The following COG5 variants were observed in gnomAD, a reference collection of about 807,000 sequenced individuals.
The protein encoded by COG5 is conserved oligomeric Golgi complex subunit 5.
A neutral mutation model predicts 110.4 loss-of-function variants in COG5; 86 were observed. The observed-to-expected ratio is 0.78, with a 90% CI of 0.65 to 0.93. The LOEUF is 0.93. Among genes scored for constraint, COG5 ranks in the 40% least tolerant of loss-of-function variants. The pLI, the probability that COG5 is intolerant of heterozygous loss-of-function variation, is 0.00. For missense variants in COG5, 1,077 were observed against 987.0 expected, an observed-to-expected ratio of 1.09 and a Z score of -1.22; for synonymous variants, 360 against 334.6, an observed-to-expected ratio of 1.08 and a Z score of -0.83.
At chr7:107,464,425 A>G (rs1249127862) in intron 6 of COG5, among the ~76,000 whole-genome samples, 1 of 151,716 alleles carries the variant, frequency 6.6e-6, no homozygotes, top group Non-Finnish European at 1.5e-5. Flanking sequence ...ATTCATTTCC[A>G]CCCCTCACTG....
intron 11 of COG5, among the ~76,000 whole-genome samples, chr7:107,306,557 G>A (rs181617755): frequency 6.9e-4 from 105 of 152,286 alleles, no homozygotes; most frequent in African/African-American, 2.5e-3. Context: ...GAAAATATCT[G>A]TCTATAGCCC....
intron 2 of COG5, among the ~76,000 whole-genome samples, chr7:107,555,577 C>A (rs1020794360): frequency 6.6e-6 from 1 of 152,198 alleles, no homozygotes; most frequent in African/African-American, 2.4e-5. Context: ...TCCATCTTAA[C>A]AAGACTAACT....
chr7:107,228,270 G>C (rs942526896), intron 19 of COG5, among the ~76,000 whole-genome samples: 2 of 141,006 alleles, frequency 1.4e-5, no homozygotes, highest in Non-Finnish European at 3.0e-5. Context: ...TCGCACCACT[G>C]CACTCTAACC....
intron 19 of COG5, among the ~76,000 whole-genome samples, chr7:107,220,302 C>T (rs926272171): frequency 6.6e-6 from 1 of 152,230 alleles, no homozygotes; most frequent in Admixed American, 6.5e-5. Context: ...GAAGGTCACA[C>T]AATTATCACC....
chr7:107,463,855 G>C (rs574481148), intron 6 of COG5, among the ~76,000 whole-genome samples: 1 of 152,270 alleles, frequency 6.6e-6, no homozygotes, highest in African/African-American at 2.4e-5. Flanking sequence ...TCCTGGAAGT[G>C]CTTGGGCCTA....
chr7:107,433,218 T>A (rs940522877), intron 6 of COG5, among the ~76,000 whole-genome samples: 1 of 152,202 alleles, frequency 6.6e-6, no homozygotes, highest in African/African-American at 2.4e-5. Flanking sequence ...AGATATCCCA[T>A]GATTTTGAAT....
intron 18 of COG5, among the ~76,000 whole-genome samples, chr7:107,231,807 T>C (rs2116413621): frequency 1.3e-5 from 2 of 151,536 alleles, no homozygotes; most frequent in African/African-American, 4.9e-5. Flanking sequence ...ATGATTAGAC[T>C]ATCTTGCCTT....
At chr7:107,221,097 A>T (rs1799891284) in intron 19 of COG5, among the ~76,000 whole-genome samples, 1 of 152,042 alleles carries the variant, frequency 6.6e-6, no homozygotes, top group South Asian at 2.1e-4. Context: ...AATTACAGGC[A>T]TGAGCCACTG....
At position 107,210,062 on chromosome 7, in the gene COG5, C is replaced by G. The variant is rs888316291; in HGVS notation, c.2375+464G>C. ...ATGTGAATGCATTCATGGGGCACTA[C>G]TGGAGGGCCATGGTATCCAAGTGGC... On this transcript the variant is annotated intron_variant, in intron 21 of 21. Coordinates refer to ENST00000297135, the MANE Select transcript of COG5 (RefSeq NM_006348.5). The G allele has an allele frequency of 4.8e-6, 5 of 1,034,878 alleles. No homozygotes were observed. In the African/African-American group the frequency reaches 8.3e-5, roughly 17 times the overall value. The allele number at this position is 1,034,878 out of a possible 1,614,324, so 64.1% of individuals were successfully genotyped here.
At position 107,283,706 on chromosome 7, in the gene COG5, A is replaced by C; in HGVS notation, c.1340T>G (p.Leu447Arg). 13 of 1,614,062 alleles carry C rather than the reference A, an allele frequency of 8.1e-6. No individual in the cohort carries two copies. The highest frequency in any genetic ancestry group is 1.0e-5 in the Non-Finnish European group (12 of 1,179,956). ...TAGATAAGCAGCCTCATAGGGTTGT[A>C]GTGAGTCTTTCAAAGCCTTTTCTGG... ...YDPEKALKDSLQPYEAAYLSK... is the reference protein window; with the variant it reads ...YDPEKALKDSRQPYEAAYLSK... The change falls in exon 13 of 22, where the codon CTA becomes CGA. Residue 447 changes from leucine (L) to arginine (R), a missense_variant. Physicochemically the swap from Leu to Arg is moderately radical, Grantham distance 102. Coordinates refer to ENST00000297135, the MANE Select transcript of COG5 (RefSeq NM_006348.5).
At chr7:107,381,254 T>C (rs1815091815) in intron 7 of COG5, among the ~76,000 whole-genome samples, 1 of 152,220 alleles carries the variant, frequency 6.6e-6, no homozygotes. Context: ...CAGAATTGTC[T>C]TTCCTGACAC....
intron 6 of COG5, among the ~76,000 whole-genome samples, chr7:107,440,829 C>A (rs1277995432): frequency 2.6e-5 from 4 of 152,160 alleles, no homozygotes; most frequent in Non-Finnish European, 5.9e-5. Context: ...GTGCCCCTTC[C>A]CCCATACTAT....
chr7:107,347,041 A>G (rs1811676482), intron 10 of COG5, among the ~76,000 whole-genome samples: 1 of 152,330 alleles, frequency 6.6e-6, no homozygotes, highest in Admixed American at 6.5e-5. Flanking sequence ...AGAATATTCT[A>G]GAAATTTTCA....
At chr7:107,402,622 A>C (rs1192411595) in intron 7 of COG5, among the ~76,000 whole-genome samples, 1 of 152,106 alleles carries the variant, frequency 6.6e-6, no homozygotes, top group African/African-American at 2.4e-5. Context: ...TAAATAAACA[A>C]ATAATGTCCT....
intron 17 of COG5, among the ~76,000 whole-genome samples, chr7:107,238,020 G>C (rs189252617): frequency 1.3e-5 from 2 of 152,106 alleles, no homozygotes; most frequent in African/African-American, 4.8e-5. Flanking sequence ...TATATAATAA[G>C]GGGATACACA....
chr7:107,288,323 C>A (rs1284663502), intron 12 of COG5, among the ~76,000 whole-genome samples: 2 of 152,164 alleles, frequency 1.3e-5, no homozygotes, highest in Non-Finnish European at 2.9e-5. Context: ...GATTGCACCA[C>A]TGCACTCTAG....
intron 8 of COG5, among the ~76,000 whole-genome samples, chr7:107,365,679 CCT>C (rs1199748475): frequency 6.6e-6 from 1 of 150,634 alleles, no homozygotes; most frequent in African/African-American, 2.4e-5. Flanking sequence ...AGAATTAGCC[CCT>C]GAGTGTGGGG....
intron 19 of COG5, among the ~76,000 whole-genome samples, chr7:107,211,683 A>G (rs1193341351): frequency 6.6e-6 from 1 of 152,228 alleles, no homozygotes; most frequent in Non-Finnish European, 1.5e-5. Context: ...ACTTTTCAAA[A>G]AGGCAAATAT....
chr7:107,372,160 C>G (rs141586175), intron 8 of COG5, among the ~76,000 whole-genome samples: 22 of 152,042 alleles, frequency 1.4e-4, no homozygotes, highest in Non-Finnish European at 2.8e-4. Flanking sequence ...GTTTCTATGT[C>G]CACAGTCAGT....
Sources: gnomAD v4.1 joint callset for allele counts (sites outside exome capture counted in the v4.1 genomes callset) on GRCh38, gnomAD v4.1.1 for gene constraint, MANE v1.5 for transcripts, NCBI Gene and HGNC (gene_info 2026-07-23, HGNC 2026-07-21) for gene names.